LRMDA: variants seen among roughly 807,000 people sequenced by gnomAD.
The protein encoded by LRMDA is leucine-rich melanocyte differentiation-associated protein.
LRMDA carries 18 observed loss-of-function variants against 29.8 expected under a neutral mutation model. That is an observed-to-expected ratio of 0.60 (90% CI 0.42 to 0.90). The LOEUF (loss-of-function observed/expected upper bound fraction) is 0.90. Ranked by LOEUF, LRMDA falls within the 40% of genes least tolerant of loss-of-function variation. The pLI is 0.00. For synonymous variants in LRMDA, 125 were observed against 109.4 expected (o/e 1.14, Z -0.89); for missense variants, 273 against 273.9 (o/e 1.00, Z 0.02).
Position 76,058,756 on chromosome 10 carries a change from A to T in LRMDA, c.489A>T (p.Gly163=). Residue 163 remains glycine (G), a synonymous_variant, in exon 5 of 7, where the codon GGA becomes GGT. Coordinates refer to ENST00000611255, the MANE Select transcript of LRMDA (RefSeq NM_001305581.2). ...RQEREEALVR[G]VFMKVVKPKA... is the part of the protein sequence containing the mutation. The stretch of plus-strand genomic sequence containing the variant: ...AACGAGAGGAGGCGTTGGTCAGAGG[A>T]GTCTTCATGAAGGTGGTGAAGCCCA... The T allele has an allele frequency of 6.2e-7, 1 of 1,614,042 alleles. No individual in the cohort carries two copies. The highest frequency in any genetic ancestry group is 1.3e-5 in the African/African-American group (1 of 75,034).
At chr10:76,406,146 T>G (rs1841899407) in intron 6 of LRMDA, among the ~76,000 whole-genome samples, 1 of 152,138 alleles carries the variant, frequency 6.6e-6, no homozygotes, top group Admixed American at 6.5e-5. Context: ...GCTGAGTGGA[T>G]GGGTTTGGGA....
Position 76,234,393 on chromosome 10 carries a change from G to A in LRMDA, c.517-90008G>A, listed in dbSNP as rs531054976. ...AGCACACAGGCAGAGTAGATTTAGC[G>A]TAATTCTTAAGGGCCCTAGAATTTT... On this transcript the variant is annotated intron_variant, in intron 5 of 6. Coordinates refer to ENST00000611255, the MANE Select transcript of LRMDA (RefSeq NM_001305581.2). Among the ~76,000 whole-genome samples the A allele has an allele frequency of 8.5e-5, 13 of 152,248 alleles. 1 individual carries two copies. Among genetic ancestry groups the A allele is most frequent in the South Asian group, 6.2e-4 (3 of 4,818 alleles).
At chr10:75,927,877 G>A (rs371941399) in intron 2 of LRMDA, among the ~76,000 whole-genome samples, 2 of 152,146 alleles carry the variant, frequency 1.3e-5, no homozygotes, top group Non-Finnish European at 2.9e-5. Flanking sequence ...TGGTGACCTT[G>A]GGAAAGTTAT....
At chr10:76,282,154 CCTGT>C (rs1369108586) in intron 5 of LRMDA, among the ~76,000 whole-genome samples, 87 of 152,306 alleles carry the variant, frequency 5.7e-4, no homozygotes, top group African/African-American at 2.0e-3. Flanking sequence ...GAGATATTAG[CCTGT>C]CTTTGAGTTT....
intron 2 of LRMDA, among the ~76,000 whole-genome samples, chr10:75,859,273 T>C (rs960606773): frequency 6.6e-6 from 1 of 152,208 alleles, no homozygotes; most frequent in African/African-American, 2.4e-5. Flanking sequence ...TTTTAAATGG[T>C]ACTGGATGCT....
intron 1 of LRMDA, among the ~76,000 whole-genome samples, chr10:75,436,128 C>T (rs1844261831): frequency 1.3e-5 from 2 of 151,686 alleles, no homozygotes; most frequent in African/African-American, 4.8e-5. Context: ...CCATGGCCCC[C>T]AAGTTGGAAG....
chr10:75,483,955 C>G (rs1844881615), intron 2 of LRMDA, among the ~76,000 whole-genome samples: 1 of 149,090 alleles, frequency 6.7e-6, no homozygotes, highest in Non-Finnish European at 1.5e-5. Context: ...TGGTCCTCCC[C>G]ACTGCCACCC....
intron 6 of LRMDA, among the ~76,000 whole-genome samples, chr10:76,391,749 C>G (rs1841725572): frequency 6.6e-6 from 1 of 152,188 alleles, no homozygotes; most frequent in Non-Finnish European, 1.5e-5. Context: ...TAGCCCAGCT[C>G]CTGATTCTCA....
chr10:75,977,661 A>G (rs182029563), intron 2 of LRMDA, among the ~76,000 whole-genome samples: 1 of 152,332 alleles, frequency 6.6e-6, no homozygotes, highest in African/African-American at 2.4e-5. Flanking sequence ...TGATCTCTAG[A>G]GAGGCTAAAG....
In LRMDA at chr10:75,440,376, G is replaced by C. The variant is rs573218378; in HGVS notation, c.131+1882G>C. 1.3e-5 allele frequency among the ~76,000 whole-genome samples: 2 copies of C among 151,956 alleles called. 1 individual carries two copies. The highest frequency in any genetic ancestry group is 4.2e-4 in the South Asian group (2 of 4,808). ...CACATCTGGTCAGGAGCCTGTTCTTGTCCGTGTTGTGGTCAGTGTGTGAAC... is the reference window on the plus strand; with the variant it reads ...CACATCTGGTCAGGAGCCTGTTCTTCTCCGTGTTGTGGTCAGTGTGTGAAC... On this transcript the variant is annotated intron_variant, in intron 2 of 6. Coordinates refer to ENST00000611255, the MANE Select transcript of LRMDA (RefSeq NM_001305581.2).
chr10:75,569,767 C>A (rs900330950), intron 2 of LRMDA, among the ~76,000 whole-genome samples: 2 of 152,194 alleles, frequency 1.3e-5, no homozygotes, highest in African/African-American at 4.8e-5. Flanking sequence ...GGTTTTAGCA[C>A]AAATCAGATC....
intron 2 of LRMDA, among the ~76,000 whole-genome samples, chr10:75,834,043 T>A (rs1344898595): frequency 2.0e-5 from 3 of 152,194 alleles, no homozygotes; most frequent in African/African-American, 4.8e-5. Context: ...GAAGGTAGGA[T>A]GTGTTTGCAG....
intron 5 of LRMDA, among the ~76,000 whole-genome samples, chr10:76,288,625 G>A (rs1363492690): frequency 1.3e-5 from 2 of 152,154 alleles, no homozygotes; most frequent in Non-Finnish European, 2.9e-5. Flanking sequence ...CCTAGTGCAG[G>A]AGCTCAGTCT....
chr10:76,064,333 G>C (rs1039693918), intron 5 of LRMDA, among the ~76,000 whole-genome samples: 2 of 152,120 alleles, frequency 1.3e-5, no homozygotes, highest in African/African-American at 4.8e-5. Context: ...CTGAAGCTGC[G>C]TTCTCCTCGT....
intron 5 of LRMDA, among the ~76,000 whole-genome samples, chr10:76,073,442 C>T (rs1157357177): frequency 2.6e-5 from 4 of 152,124 alleles, no homozygotes; most frequent in Non-Finnish European, 5.9e-5. Context: ...TTTCTATGGA[C>T]TGTATAATTC....
rs575015955 is a variant in LRMDA at position 76,114,838 on chromosome 10, G to A, written c.516+56055G>A. 5.3e-5 allele frequency among the ~76,000 whole-genome samples: 8 copies of A among 152,306 alleles called. No homozygotes were observed. The South Asian group carries it at 1.0e-3, about 20-fold the overall frequency. On this transcript the variant is annotated intron_variant, in intron 5 of 6. Transcript: ENST00000611255. ...CAGAGCAAGTACAAAACCAACACTC[G>A]GAGAGAAGCCCTTTCTGGAGGCCTT...
intron 5 of LRMDA, among the ~76,000 whole-genome samples, chr10:76,137,700 G>A (rs957368076): frequency 4.0e-5 from 6 of 150,432 alleles, no homozygotes; most frequent in Admixed American, 1.3e-4. Context: ...GAAGTCCATC[G>A]TAAACAACAC....
intron 2 of LRMDA, among the ~76,000 whole-genome samples, chr10:75,703,892 A>G (rs1045127765): frequency 6.6e-6 from 1 of 152,176 alleles, no homozygotes; most frequent in Admixed American, 6.5e-5. Context: ...GGGAGCTTTT[A>G]CTTTTATTGA....
At chr10:76,029,677 C>A (rs954466712) in intron 2 of LRMDA, among the ~76,000 whole-genome samples, 2 of 152,118 alleles carry the variant, frequency 1.3e-5, no homozygotes, top group Non-Finnish European at 2.9e-5. Flanking sequence ...CTTTAGGCAT[C>A]ATATTTGAAA....
Sources: gnomAD v4.1 joint callset for allele counts (sites outside exome capture counted in the v4.1 genomes callset) on GRCh38, gnomAD v4.1.1 for gene constraint, MANE v1.5 for transcripts, NCBI Gene and HGNC (gene_info 2026-07-23, HGNC 2026-07-21) for gene names.